Variants in C16orf74 observed in about 807,000 individuals in gnomAD.
C16orf74 encodes the protein uncharacterized protein C16orf74.
Under a neutral mutation model 6.5 loss-of-function variants are expected in C16orf74, and 10 were observed. The ratio of observed to expected loss-of-function variants is 1.54; its 90% confidence interval spans 0.95 to 2.61. The LOEUF (loss-of-function observed/expected upper bound fraction) is 2.61, where lower values mean the gene tolerates loss of function less well. C16orf74 is among the 30% of genes most tolerant of loss of function. The pLI, the probability that C16orf74 is intolerant of heterozygous loss-of-function variation, is 0.00. For missense variants in C16orf74, 141 were observed against 105.9 expected (o/e 1.33, Z -1.45); for synonymous variants, 60 against 42.5 (o/e 1.41, Z -1.60).
intron 2 of C16orf74, chr16:85,710,740 C>CG (rs1567801423): frequency 6.3e-6 from 1 of 159,658 alleles, no homozygotes; most frequent in African/African-American, 2.4e-5. Context: ...CTGCTCCCCC[C>CG]GCCTGGGATG....
chr16:85,735,766 G>A (rs1354807427), intron 1 of C16orf74, among the ~76,000 whole-genome samples: 1 of 152,038 alleles, frequency 6.6e-6, no homozygotes, highest in South Asian at 2.1e-4. Flanking sequence ...CCAGCCCACG[G>A]GTATTAGAAT....
chr16:85,725,781 C>A (rs115944667), intron 2 of C16orf74, among the ~76,000 whole-genome samples: 2,386 of 152,222 alleles, frequency 0.016, 61 homozygotes, highest in African/African-American at 0.055. Flanking sequence ...TGTTTCTATT[C>A]TTTGTAGAGA....
At chr16:85,719,996 G>T (rs2054066641) in intron 2 of C16orf74, among the ~76,000 whole-genome samples, 1 of 152,184 alleles carries the variant, frequency 6.6e-6, no homozygotes, top group African/African-American at 2.4e-5. Flanking sequence ...ATTTAGTGCA[G>T]GTCTTTCAAA....
intron 2 of C16orf74, among the ~76,000 whole-genome samples, chr16:85,711,460 C>CA (rs11392884): frequency 0.66 from 94,643 of 143,762 alleles, 31,037 homozygotes; most frequent in East Asian, 0.84. Context: ...ACTGAAAATA[C>CA]AAAAAAAAAA....
chr16:85,749,086 C>A (rs1439391549), intron 1 of C16orf74, among the ~76,000 whole-genome samples: 1 of 148,730 alleles, frequency 6.7e-6, no homozygotes, highest in East Asian at 2.1e-4. Context: ...TGGGCCCCAT[C>A]ATCACTTACT....
intron 2 of C16orf74, among the ~76,000 whole-genome samples, chr16:85,729,444 A>G (rs1192575437): frequency 6.6e-6 from 1 of 152,084 alleles, no homozygotes; most frequent in East Asian, 1.9e-4. Context: ...CTCCTATGCC[A>G]CCCTCTCAAT....
In C16orf74 at chr16:85,715,684, G is replaced by C. The variant is rs149636435; in HGVS notation, c.29-5377C>G. Among the ~76,000 whole-genome samples, 714 of 152,304 alleles carry C rather than the reference G, an allele frequency of 4.7e-3. 4 individuals are homozygous for C. The highest frequency in any genetic ancestry group is 0.016 in the African/African-American group (655 of 41,560). On this transcript the variant is annotated intron_variant, in intron 2 of 3. Transcript: ENST00000284245. ...CAATAAAACTTTCTTTCTAAAAGCA[G>C]GCATCAGGCAGGATTGGGTCTCAGG... is the stretch of plus-strand genomic sequence containing the variant.
chr16:85,707,693 G>A lies in C16orf74; in HGVS notation c.*315C>T, dbSNP rs977750647. On this transcript the variant is annotated 3_prime_UTR_variant, in exon 4 of 4. Transcript: ENST00000284245. ...ACAGCCCTGGGGGCTGGGAGGGTGT[G>A]TTTGTCCAGAAGAGAGCCTCTCCCT... The A allele has an allele frequency of 3.2e-5, 12 of 378,840 alleles. No homozygotes were observed. In the Admixed American group the frequency reaches 4.9e-4, roughly 15 times the overall value. The allele number at this position is 378,840 out of a possible 1,614,324, so 23.5% of individuals were successfully genotyped here. A position where few individuals can be genotyped will look rare whatever the true frequency, so the allele number is the denominator to read the frequency against.
At chr16:85,723,891 C>T (rs936365159) in intron 2 of C16orf74, among the ~76,000 whole-genome samples, 1 of 152,234 alleles carries the variant, frequency 6.6e-6, no homozygotes, top group African/African-American at 2.4e-5. Flanking sequence ...AAACCAGGCC[C>T]CTGGGAGGGC....
chr16:85,708,248 G>A (rs2053933144), intron 3 of C16orf74, among the ~76,000 whole-genome samples, 182 bp from the exon 4 acceptor site: 1 of 152,212 alleles, frequency 6.6e-6, no homozygotes, highest in Non-Finnish European at 1.5e-5. Context: ...CCCCGGAACT[G>A]CTTCAGTTTA....
intron 1 of C16orf74, among the ~76,000 whole-genome samples, chr16:85,743,915 A>G (rs1029667060): frequency 6.6e-6 from 1 of 152,038 alleles, no homozygotes; most frequent in African/African-American, 2.4e-5. Flanking sequence ...TTAGCCGGGC[A>G]TGGTGTTGGG....
At chr16:85,733,141 G>A (rs915684885) in intron 2 of C16orf74, among the ~76,000 whole-genome samples, 3 of 152,188 alleles carry the variant, frequency 2.0e-5, no homozygotes, top group African/African-American at 7.2e-5. Flanking sequence ...GCCAAAAGGT[G>A]GAAACAACCC....
At chr16:85,717,244 G>C (rs1283203475) in intron 2 of C16orf74, among the ~76,000 whole-genome samples, 4 of 152,208 alleles carry the variant, frequency 2.6e-5, no homozygotes, top group Admixed American at 2.6e-4. Context: ...CCCGGCTCTG[G>C]GCCCTCCTAG....
chr16:85,732,120 G>A (rs1407739450), intron 2 of C16orf74, among the ~76,000 whole-genome samples: 1 of 152,240 alleles, frequency 6.6e-6, no homozygotes, highest in African/African-American at 2.4e-5. Context: ...ACAAGGCAGA[G>A]GCTGGAGCTA....
rs541456329 is a variant in C16orf74, at chr16:85,714,328, C to T, written c.29-4021G>A. On this transcript the variant is annotated intron_variant, in intron 2 of 3. Coordinates refer to ENST00000284245, the MANE Select transcript of C16orf74 (RefSeq NM_206967.3). ...CCCTCACCCCAGGCACTGCCCCAGT[C>T]ACCTCCCCACCTTCTGAACCCCAAC... Among the ~76,000 whole-genome samples the T allele has an allele frequency of 7.1e-4, 108 of 152,182 alleles. 1 individual carries two copies. The highest frequency in any genetic ancestry group is 2.4e-3 in the African/African-American group (100 of 41,530).
At chr16:85,713,214 C>G (rs541295348) in intron 2 of C16orf74, among the ~76,000 whole-genome samples, 2 of 152,140 alleles carry the variant, frequency 1.3e-5, no homozygotes, top group Non-Finnish European at 2.9e-5. Flanking sequence ...AAGCCTCACC[C>G]CATCTCTACC....
chr16:85,749,363 G>A (rs2054409935), intron 1 of C16orf74, among the ~76,000 whole-genome samples: 1 of 152,046 alleles, frequency 6.6e-6, no homozygotes. Context: ...ATAGCTCACT[G>A]TAGCCTCAAC....
chr16:85,744,242 A>AAAAG (rs2054344638), intron 1 of C16orf74: 2 of 149,630 alleles, frequency 1.3e-5, no homozygotes, highest in African/African-American at 4.9e-5. Flanking sequence ...AAAAAAAAAA[A>AAAAG]AAAAAGAAAA....
At chr16:85,716,478 G>A (rs1444670427) in intron 2 of C16orf74, among the ~76,000 whole-genome samples, 1 of 139,902 alleles carries the variant, frequency 7.1e-6, no homozygotes, top group Non-Finnish European at 1.5e-5. Flanking sequence ...AAGGGAGGAG[G>A]AGAGAGGGGA....
Sources: allele counts gnomAD v4.1 joint callset (sites outside exome capture counted in the v4.1 genomes callset), GRCh38; gene constraint gnomAD v4.1.1; transcripts MANE v1.5; gene names NCBI Gene and HGNC (gene_info 2026-07-23, HGNC 2026-07-21).